The following MAST4 variants were observed in gnomAD, a reference collection of about 807,000 sequenced individuals.
MAST4 encodes microtubule-associated serine/threonine-protein kinase 4.
A neutral mutation model predicts 162.7 loss-of-function variants in MAST4; 89 were observed. The observed-to-expected ratio is 0.55, with a 90% CI of 0.46 to 0.65. The LOEUF (loss-of-function observed/expected upper bound fraction) is 0.65. Among genes scored for constraint, MAST4 ranks in the 30% least tolerant of loss-of-function variants. MAST4 has a pLI of 0.00. For synonymous variants in MAST4, 1,479 were observed against 1,361.1 expected, an observed-to-expected ratio of 1.09 and a Z score of -1.91; for missense variants, 3,153 against 3,374.0, an observed-to-expected ratio of 0.93 and a Z score of 1.62.
At chr5:67,152,104 AT>A (rs1274362004) in intron 24 of MAST4, among the ~76,000 whole-genome samples, 1 of 152,156 alleles carries the variant, frequency 6.6e-6, no homozygotes, top group African/African-American at 2.4e-5. Context: ...ATTTAATAGC[AT>A]TGTAGAAATC....
chr5:67,105,783 G>T (rs1018376021), intron 10 of MAST4, among the ~76,000 whole-genome samples: 1 of 152,150 alleles, frequency 6.6e-6, no homozygotes, highest in African/African-American at 2.4e-5. Flanking sequence ...ATCTCATCAC[G>T]CACAGATGAC....
rs780957427 is a variant in MAST4 at position 67,163,812 on chromosome 5, C to T, written c.4633C>T (p.Pro1545Ser). 1.2e-6 allele frequency: 2 copies of T among 1,612,834 alleles called. No individual in the cohort carries two copies. Among genetic ancestry groups the T allele is most frequent in the Admixed American group, 3.3e-5 (2 of 59,878 alleles). Residue 1545 changes from proline to serine, a missense_variant, in exon 29 of 29, where the codon CCA (proline) becomes TCA (serine). By Grantham distance (74) the Pro-to-Ser change is moderately conservative. This residue lies in a region of MAST4 where 1,644 missense variants were observed against 1,495.0 expected (regional missense o/e 1.10). Coordinates refer to ENST00000403625, the MANE Select transcript of MAST4 (RefSeq NM_001164664.2). This position sits in a 1 kb window ranked among gnomAD's most constrained non-coding sequence, Gnocchi z 7.0. ...KVVVKKADGF[P>S]EKQESHQKSH... is the part of the protein sequence containing the mutation. The stretch of plus-strand genomic sequence containing the variant: ...GGTGGTGAAGAAAGCAGACGGCTTC[C>T]CAGAGAAACAGGAATCCCACCAGAA...
rs187726591 is a variant in MAST4 at position 67,134,237 on chromosome 5, A to G, written c.2227-286A>G. Among the ~76,000 whole-genome samples the G allele has an allele frequency of 2.5e-3, 387 of 152,348 alleles. 12 individuals carry two copies. The highest frequency in any genetic ancestry group is 0.023 in the Admixed American group (354 of 15,302). Reference sequence around the variant, plus strand: ...GGATTATAAGTGGTTTTAATATTGTATAATAGGTAAAACTACCAAACAGGG... The same window carrying G: ...GGATTATAAGTGGTTTTAATATTGTGTAATAGGTAAAACTACCAAACAGGG... On this transcript the variant is annotated intron_variant, in intron 17 of 28. Coordinates refer to ENST00000403625, the MANE Select transcript of MAST4 (RefSeq NM_001164664.2).
chr5:66,713,514 T>C (rs575126861), intron 1 of MAST4, among the ~76,000 whole-genome samples: 13 of 152,348 alleles, frequency 8.5e-5, no homozygotes, highest in African/African-American at 2.9e-4. Flanking sequence ...ATTACTCAAA[T>C]ATTAGGAAAT....
intron 1 of MAST4, among the ~76,000 whole-genome samples, chr5:66,721,396 T>G (rs760678258): frequency 6.6e-6 from 1 of 151,332 alleles, no homozygotes; most frequent in Non-Finnish European, 1.5e-5. Flanking sequence ...TTCTCAGGCC[T>G]CATCTGGCAT....
intron 11 of MAST4, among the ~76,000 whole-genome samples, 152 bp from the exon 12 acceptor site, chr5:67,113,935 T>C (rs1325226637): frequency 6.6e-6 from 1 of 152,222 alleles, no homozygotes; most frequent in Non-Finnish European, 1.5e-5. Context: ...GAAGTGAGAA[T>C]TACATACTTT....
intron 4 of MAST4, among the ~76,000 whole-genome samples, chr5:66,938,737 G>A (rs560560586): frequency 6.6e-6 from 1 of 152,306 alleles, no homozygotes; most frequent in East Asian, 1.9e-4. Context: ...TTTAGAGCAT[G>A]TGTTCTCAGT....
rs189613269 is a variant in MAST4, at chr5:66,797,572, C to T, written c.642+8778C>T. ...GACTAGTATGAAAATCTGTGCGAAA[C>T]GTGGTCTTGCTTTTAAGGAGCCTAT... On this transcript the variant is annotated intron_variant, in intron 3 of 28. Transcript: ENST00000403625. Among the ~76,000 whole-genome samples, 42 of 152,222 alleles carry T rather than the reference C, an allele frequency of 2.8e-4. 1 individual carries two copies. The highest frequency in any genetic ancestry group is 9.2e-4 in the African/African-American group (38 of 41,526).
chr5:67,165,985 G>A lies in MAST4; in HGVS notation c.6806G>A (p.Gly2269Asp). The change falls in exon 29 of 29, where the codon GGT becomes GAT. Residue 2269 changes from glycine to aspartate, a missense_variant. Physicochemically the swap from Gly to Asp is moderately conservative, Grantham distance 94 (BLOSUM62 -1). Around this residue, in one of 7 missense-constraint regions of MAST4, gnomAD observed 1,644 missense variants for 1,495.0 expected, o/e 1.10. Coordinates refer to ENST00000403625, the MANE Select transcript of MAST4 (RefSeq NM_001164664.2). ...KASDGIGQGE[G>D]GPSVPLHTDR... ...AGCGATGGGATTGGCCAGGGAGAAG[G>A]TGGGCCCTCTGTCCCACTGCACACT... The A allele has an allele frequency of 6.2e-7, 1 of 1,613,570 alleles. No individual in the cohort carries two copies. Among genetic ancestry groups the A allele is most frequent in the Non-Finnish European group, 8.5e-7 (1 of 1,179,854 alleles).
chr5:66,927,477 C>A (rs535668141), intron 4 of MAST4, among the ~76,000 whole-genome samples: 1 of 152,180 alleles, frequency 6.6e-6, no homozygotes, highest in African/African-American at 2.4e-5. Context: ...AGTATATGAT[C>A]CCTATCAGGA....
intron 1 of MAST4, among the ~76,000 whole-genome samples, chr5:66,746,003 T>C (rs1466850189): frequency 6.6e-6 from 1 of 152,062 alleles, no homozygotes; most frequent in African/African-American, 2.4e-5. Context: ...GGTGTAGAAA[T>C]TTGGGTTCTG....
intron 4 of MAST4, among the ~76,000 whole-genome samples, chr5:66,948,847 C>T (rs1418094772): frequency 6.6e-6 from 1 of 152,098 alleles, no homozygotes; most frequent in Non-Finnish European, 1.5e-5. Flanking sequence ...TGAGTGCCCA[C>T]TCTGTGTGCG....
chr5:66,914,322 T>A (rs1184819965), intron 4 of MAST4, among the ~76,000 whole-genome samples: 2 of 152,188 alleles, frequency 1.3e-5, no homozygotes, highest in Non-Finnish European at 2.9e-5. Context: ...CAGGGTGTGC[T>A]GATAGAGAAG....
intron 4 of MAST4, among the ~76,000 whole-genome samples, chr5:66,961,671 A>G (rs1008976014): frequency 3.9e-5 from 6 of 152,240 alleles, no homozygotes; most frequent in Non-Finnish European, 7.3e-5. Context: ...AGAATTGGGT[A>G]CATAGACACT....
chr5:67,004,931 T>C (rs1581170180), intron 4 of MAST4: 1 of 710,486 alleles, frequency 1.4e-6, no homozygotes, highest in Non-Finnish European at 2.6e-6. Context: ...TCTTCCTTTT[T>C]TTTACCTCTC....
At position 66,646,521 on chromosome 5, in the gene MAST4, C is replaced by T. The variant is rs185914083; in HGVS notation, c.363+49503C>T. Among the ~76,000 whole-genome samples the T allele has an allele frequency of 1.9e-3, 289 of 152,196 alleles. 3 individuals are homozygous for T. The highest frequency in any genetic ancestry group is 7.5e-4 in the Non-Finnish European group (51 of 67,998). On this transcript the variant is annotated intron_variant, in intron 1 of 28. Coordinates refer to ENST00000403625, the MANE Select transcript of MAST4 (RefSeq NM_001164664.2). ...GGTTTATGTAGTAATAACAAAAACA[C>T]GGTGATAAAGCATAAACCTAATATA...
At chr5:67,088,695 A>G in intron 5 of MAST4, among the ~76,000 whole-genome samples, 1 of 152,304 alleles carries the variant, frequency 6.6e-6, no homozygotes, top group East Asian at 1.9e-4. Flanking sequence ...CAGGGGCCCA[A>G]GGAATAACAG....
At chr5:66,999,583 T>G (rs1028799783) in intron 4 of MAST4, among the ~76,000 whole-genome samples, 1 of 152,226 alleles carries the variant, frequency 6.6e-6, no homozygotes, top group Non-Finnish European at 1.5e-5. Flanking sequence ...CTTTAGCATG[T>G]CCTTTACTTG....
At chr5:66,968,950 G>A (rs754645439) in intron 4 of MAST4, among the ~76,000 whole-genome samples, 10 of 152,184 alleles carry the variant, frequency 6.6e-5, no homozygotes, top group Admixed American at 3.9e-4. Context: ...ACTCTAAGGA[G>A]GAGTAGTAGA....
Sources: gnomAD v4.1 joint callset for allele counts (sites outside exome capture counted in the v4.1 genomes callset) on GRCh38, gnomAD v4.1.1 for gene constraint, gnomAD v4.1.1 regional missense constraint, Gnocchi (gnomAD v3.1) non-coding constraint, MANE v1.5 for transcripts, NCBI Gene and HGNC (gene_info 2026-07-23, HGNC 2026-07-21) for gene names.